Variants in ARPP21 observed in about 807,000 individuals in gnomAD.
ARPP21 encodes the protein cAMP regulated phosphoprotein 21.
Under a neutral mutation model 113.2 loss-of-function variants are expected in ARPP21, and 69 were observed. The observed-to-expected ratio is 0.61, with a 90% CI of 0.50 to 0.74. The LOEUF is 0.74. Ranked by LOEUF, ARPP21 falls within the 30% of genes least tolerant of loss-of-function variation. The pLI is 0.00. For synonymous variants in ARPP21, 368 were observed against 375.5 expected, an observed-to-expected ratio of 0.98 and a Z score of 0.23; for missense variants, 1,070 against 1,037.4, an observed-to-expected ratio of 1.03 and a Z score of -0.43.
chr3:35,699,776 G>A (rs965512763), intron 9 of ARPP21, among the ~76,000 whole-genome samples: 1 of 151,724 alleles, frequency 6.6e-6, no homozygotes, highest in South Asian at 2.1e-4. Context: ...ATTTGCATAT[G>A]GGCTTCAATG....
chr3:35,692,575 G>A (rs140392238), intron 9 of ARPP21, among the ~76,000 whole-genome samples: 1,901 of 151,660 alleles, frequency 0.013, 41 homozygotes, highest in African/African-American at 0.043. Context: ...TTCAACTGGT[G>A]GACAGTAGAT....
intron 1 of ARPP21, among the ~76,000 whole-genome samples, chr3:35,649,594 C>A (rs1701597056): frequency 6.6e-6 from 1 of 152,090 alleles, no homozygotes; most frequent in South Asian, 2.1e-4. Context: ...GAAGGACACC[C>A]AGCATGTGCG....
At chr3:35,706,952 A>C (rs756648219) in intron 9 of ARPP21, 22 bp from the exon 10 acceptor site, 1 of 1,577,412 alleles carries the variant, frequency 6.3e-7, no homozygotes, top group African/African-American at 1.4e-5. Flanking sequence ...TTTTTTATTG[A>C]TATGTTTTAC....
intron 14 of ARPP21, among the ~76,000 whole-genome samples, chr3:35,724,775 A>G (rs1407250742): frequency 6.6e-6 from 1 of 152,080 alleles, no homozygotes; most frequent in Non-Finnish European, 1.5e-5. Flanking sequence ...TGTTTCTACC[A>G]CTTCCTCTTC....
chr3:35,713,187 C>G (rs753909092), intron 11 of ARPP21, among the ~76,000 whole-genome samples: 10 of 152,092 alleles, frequency 6.6e-5, no homozygotes, highest in Admixed American at 5.2e-4. Flanking sequence ...GAATGTTGCA[C>G]TTAATTACTG....
In ARPP21 at chr3:35,794,030, A is replaced by C; in HGVS notation, c.*72A>C. ...GATGGAAGAGGAACAAGGTGGGAAA[A>C]CTGGCTGAGGACTTAAGTATTCACT... is the stretch of plus-strand genomic sequence containing the variant. On this transcript the variant is annotated 3_prime_UTR_variant, in exon 21 of 21. Transcript: ENST00000684406. 7.1e-7 allele frequency: 1 copy of C among 1,406,282 alleles called. No homozygotes were observed. The highest frequency in any genetic ancestry group is 9.8e-7 in the Non-Finnish European group (1 of 1,021,620). 87.1% of individuals were successfully genotyped at this position (1,406,282 alleles called of 1,614,324 possible). A position where few individuals can be genotyped will look rare whatever the true frequency, so the allele number is the denominator to read the frequency against.
chr3:35,709,745 G>T (rs1279212522), intron 11 of ARPP21, among the ~76,000 whole-genome samples: 1 of 152,168 alleles, frequency 6.6e-6, no homozygotes, highest in Non-Finnish European at 1.5e-5. Context: ...AAGGAAAAGG[G>T]CAAGCAACTG....
Position 35,793,709 on chromosome 3 carries a change from G to T in ARPP21, c.2295G>T (p.Met765Ile). 1 of 1,613,502 alleles carries T rather than the reference G, an allele frequency of 6.2e-7. No individual in the cohort carries two copies. Among genetic ancestry groups the T allele is most frequent in the South Asian group, 1.1e-5 (1 of 91,056 alleles). ...CTTGTGTCTTTTTACAGGTGCCAATGACCCAGGGTTCTCAAGGACTGCCCC... is the reference window on the plus strand; with the variant it reads ...CTTGTGTCTTTTTACAGGTGCCAATTACCCAGGGTTCTCAAGGACTGCCCC... ...YPTMSSYQVP[M>I]TQGSQGLPQQ... is the part of the protein sequence containing the mutation. The change falls in exon 21 of 21, where the codon ATG becomes ATT. Residue 765 changes from methionine to isoleucine, a missense_variant. Physicochemically the swap from Met to Ile is conservative, Grantham distance 10. Coordinates refer to ENST00000684406, the MANE Select transcript of ARPP21 (RefSeq NM_001385562.1).
chr3:35,757,017 G>C lies in ARPP21; in HGVS notation c.2137+13052G>C, dbSNP rs140400090. On this transcript the variant is annotated intron_variant, in intron 19 of 20. Transcript: ENST00000684406. ...ATGCATGGGCAGTGTTAAGTAGCCA[G>C]TGGTGTGGTATTATGATACAGAGTT... 3.1e-3 allele frequency among the ~76,000 whole-genome samples: 471 copies of C among 151,514 alleles called. 2 individuals carry two copies. Among genetic ancestry groups the C allele is most frequent in the African/African-American group, 9.9e-3 (409 of 41,328 alleles).
chr3:35,664,947 T>TTG (rs1234715136), intron 1 of ARPP21, among the ~76,000 whole-genome samples: 1 of 152,124 alleles, frequency 6.6e-6, no homozygotes, highest in Non-Finnish European at 1.5e-5. Flanking sequence ...ACCTGCTATT[T>TTG]TGTGTGTGTG....
chr3:35,653,037 T>A (rs966796042), intron 1 of ARPP21, among the ~76,000 whole-genome samples: 86 of 152,044 alleles, frequency 5.7e-4, no homozygotes, highest in African/African-American at 2.0e-3. Flanking sequence ...TGATTTTGAG[T>A]TTACCTTTGG....
At chr3:35,642,059 AC>A (rs2148837519) in intron 1 of ARPP21, 1 of 152,326 alleles carries the variant, frequency 6.6e-6, no homozygotes, top group Non-Finnish European at 1.5e-5. Context: ...ATTTAAATAA[AC>A]TTATACAGCT....
At chr3:35,657,446 A>T (rs1513480) in intron 1 of ARPP21, among the ~76,000 whole-genome samples, 111,629 of 152,026 alleles carry the variant, frequency 0.73, 41,362 homozygotes, top group African/African-American at 0.82. Flanking sequence ...ATCTGTTGAA[A>T]AAATGCATAT....
At chr3:35,659,041 A>C (rs1219699725) in intron 1 of ARPP21, among the ~76,000 whole-genome samples, 1 of 152,170 alleles carries the variant, frequency 6.6e-6, no homozygotes, top group Non-Finnish European at 1.5e-5. Flanking sequence ...TAATGTTTGG[A>C]TTTCACAGCG....
At chr3:35,660,113 C>T (rs543233300) in intron 1 of ARPP21, among the ~76,000 whole-genome samples, 9 of 152,294 alleles carry the variant, frequency 5.9e-5, no homozygotes, top group African/African-American at 1.9e-4. Flanking sequence ...ACCTTGACTT[C>T]TTTCCCCTTT....
intron 1 of ARPP21, among the ~76,000 whole-genome samples, chr3:35,653,394 G>A (rs888857666): frequency 2.0e-5 from 3 of 151,990 alleles, no homozygotes; most frequent in African/African-American, 7.2e-5. Context: ...CTAAGAATCA[G>A]GAGCTAAGGG....
At chr3:35,733,812 C>G (rs1418520690) in intron 15 of ARPP21, among the ~76,000 whole-genome samples, 1 of 152,162 alleles carries the variant, frequency 6.6e-6, no homozygotes, top group Non-Finnish European at 1.5e-5. Context: ...CCAGAAGAAC[C>G]TGCCATCTCT....
intron 19 of ARPP21, among the ~76,000 whole-genome samples, chr3:35,745,381 G>C (rs535210066): frequency 7.0e-4 from 107 of 152,196 alleles, no homozygotes; most frequent in African/African-American, 2.2e-3. Context: ...TGAGGATCTT[G>C]GTTTAGAGGC....
chr3:35,778,184 G>T (rs2096428324), intron 19 of ARPP21, among the ~76,000 whole-genome samples: 1 of 151,850 alleles, frequency 6.6e-6, no homozygotes, highest in Non-Finnish European at 1.5e-5. Context: ...TTTGGGAAAT[G>T]GTCCCTGACA....
Sources: allele counts gnomAD v4.1 joint callset (sites outside exome capture counted in the v4.1 genomes callset), GRCh38; gene constraint gnomAD v4.1.1; transcripts MANE v1.5; gene names NCBI Gene and HGNC (gene_info 2026-07-23, HGNC 2026-07-21).